The following RASSF5 variants were observed in gnomAD, a reference collection of about 807,000 sequenced individuals.
The protein encoded by RASSF5 is Ras association domain family member 5.
A neutral mutation model predicts 40.5 loss-of-function variants in RASSF5; 25 were observed. That is an observed-to-expected ratio of 0.62 (90% CI 0.45 to 0.86). The LOEUF is 0.86. Among genes scored for constraint, RASSF5 ranks in the 40% least tolerant of loss-of-function variants. The pLI is 0.00. For synonymous variants in RASSF5, 246 were observed against 252.4 expected (o/e 0.97, Z 0.24); for missense variants, 521 against 572.8 (o/e 0.91, Z 0.92).
In RASSF5 at chr1:206,513,287, T is replaced by C. The variant is rs1036830368; in HGVS notation, c.457+5228T>C. On this transcript the variant is annotated intron_variant, in intron 1 of 5. Transcript: ENST00000579436. This position sits in a 1 kb window ranked among gnomAD's most constrained non-coding sequence, Gnocchi z 5.0. The stretch of plus-strand genomic sequence containing the variant: ...ATTCTTGCTCTGCCCAGGCTTACTA[T>C]GAAGGCTGCTGAGGAACCTGTAAAC... Among the ~76,000 whole-genome samples the C allele has an allele frequency of 8.5e-5, 13 of 152,220 alleles. No individual in the cohort carries two copies. Among genetic ancestry groups the C allele is most frequent in the South Asian group, 4.1e-4 (2 of 4,832 alleles).
intron 2 of RASSF5, among the ~76,000 whole-genome samples, chr1:206,554,828 G>C (rs1405277677): frequency 6.6e-6 from 1 of 152,150 alleles, no homozygotes; most frequent in Non-Finnish European, 1.5e-5. Context: ...TATTATATAT[G>C]ATCTTTGTAT....
At chr1:206,551,944 A>G (rs11800677) in intron 2 of RASSF5, among the ~76,000 whole-genome samples, 3,666 of 152,330 alleles carry the variant, frequency 0.024, 164 homozygotes, top group African/African-American at 0.084. Flanking sequence ...GATCAGAAAT[A>G]GCTTTTGTCA....
At chr1:206,571,772 G>T (rs781949715) in intron 2 of RASSF5, among the ~76,000 whole-genome samples, 5 of 152,210 alleles carry the variant, frequency 3.3e-5, no homozygotes, top group African/African-American at 4.8e-5. Flanking sequence ...GGCTCAGGGA[G>T]ACTGAAAGGA....
intron 2 of RASSF5, among the ~76,000 whole-genome samples, chr1:206,577,868 G>A (rs1666884027): frequency 1.3e-5 from 2 of 152,204 alleles, no homozygotes; most frequent in Admixed American, 6.5e-5. Flanking sequence ...TATGATGTAA[G>A]TCATTAAAGA....
intron 3 of RASSF5, 195 bp downstream of exon 3, chr1:206,583,574 G>A (rs1553406838): frequency 1.8e-6 from 1 of 567,044 alleles, no homozygotes; most frequent in African/African-American, 1.9e-5. Context: ...TAGGGAAATA[G>A]ATCTGACTCT....
At chr1:206,577,452 T>C (rs141812781) in intron 2 of RASSF5, among the ~76,000 whole-genome samples, 1 of 152,338 alleles carries the variant, frequency 6.6e-6, no homozygotes, top group East Asian at 1.9e-4. Flanking sequence ...CATTTGATTT[T>C]TACCTTCACA....
At chr1:206,508,110 C>A in intron 1 of RASSF5, 51 bp downstream of exon 1, 1 of 1,283,762 alleles carries the variant, frequency 7.8e-7, no homozygotes, top group African/African-American at 1.5e-5. Flanking sequence ...AGTCTGGGGG[C>A]GAAGGACTGG....
intron 2 of RASSF5, among the ~76,000 whole-genome samples, chr1:206,570,311 C>T (rs1470084991): frequency 1.3e-5 from 2 of 152,000 alleles, no homozygotes; most frequent in African/African-American, 4.8e-5. Flanking sequence ...TCAGGATGGT[C>T]TCAGACTCTG....
intron 2 of RASSF5, among the ~76,000 whole-genome samples, chr1:206,561,729 G>A (rs58494809): frequency 0.023 from 3,386 of 144,144 alleles, 128 homozygotes; most frequent in African/African-American, 0.083. Context: ...ACAATGACGC[G>A]ATCTCGGCTC....
At chr1:206,567,714 G>A (rs73080950) in intron 2 of RASSF5, among the ~76,000 whole-genome samples, 5,649 of 152,214 alleles carry the variant, frequency 0.037, 115 homozygotes, top group Admixed American at 0.049. Flanking sequence ...GTGTGTGGAG[G>A]TATAAGGCTG....
intron 2 of RASSF5, among the ~76,000 whole-genome samples, chr1:206,580,062 G>A (rs1391284047): frequency 5.3e-5 from 8 of 152,188 alleles, no homozygotes; most frequent in African/African-American, 1.9e-4. Context: ...AGAATGGTGA[G>A]GTCAGGGCTG....
At chr1:206,558,263 G>A (rs1668044799) in intron 2 of RASSF5, among the ~76,000 whole-genome samples, 1 of 152,144 alleles carries the variant, frequency 6.6e-6, no homozygotes, top group Non-Finnish European at 1.5e-5. Flanking sequence ...TTCCTGGGTC[G>A]GTTTGGGTAA....
At position 206,535,707 on chromosome 1, in the gene RASSF5, G is replaced by C. The variant is rs1553398550; in HGVS notation, c.458-2465G>C. On this transcript the variant is annotated intron_variant, in intron 1 of 5. Coordinates refer to ENST00000579436, the MANE Select transcript of RASSF5 (RefSeq NM_182663.4). This position sits in a 1 kb window ranked among gnomAD's most constrained non-coding sequence, Gnocchi z 5.0. The stretch of plus-strand genomic sequence containing the variant: ...AGGGTGTGTGTGTGTGTGTGTCTGT[G>C]TGTGTGTGGTGTGTGTGTGTGTGTG... Among the ~76,000 whole-genome samples the C allele has an allele frequency of 3.9e-5, 3 of 77,820 alleles. No individual in the cohort carries two copies. The highest frequency in any genetic ancestry group is 1.0e-4 in the African/African-American group (2 of 19,306). The allele number at this position is 77,820 out of a possible 152,430, so 51.1% of individuals were successfully genotyped here. A position where few individuals can be genotyped will look rare whatever the true frequency, so the allele number is the denominator to read the frequency against.
chr1:206,519,312 A>C (rs1572293314), intron 1 of RASSF5, among the ~76,000 whole-genome samples: 1 of 152,216 alleles, frequency 6.6e-6, no homozygotes, highest in South Asian at 2.1e-4. Flanking sequence ...AACCCTGGGC[A>C]CCTGCCTTCC....
intron 1 of RASSF5, among the ~76,000 whole-genome samples, chr1:206,523,460 A>AAAT (rs1666967964): frequency 2.6e-5 from 3 of 113,740 alleles, no homozygotes; most frequent in African/African-American, 1.0e-4. Flanking sequence ...ATAATATATT[A>AAAT]AATATATTTT....
intron 1 of RASSF5, among the ~76,000 whole-genome samples, chr1:206,522,034 T>A (rs572923004): frequency 3.3e-5 from 5 of 152,232 alleles, no homozygotes; most frequent in African/African-American, 1.2e-4. Context: ...TTAAATTATT[T>A]TTTTTTTCTT....
intron 2 of RASSF5, among the ~76,000 whole-genome samples, chr1:206,553,378 A>G (rs562433292): frequency 6.6e-6 from 1 of 152,284 alleles, no homozygotes; most frequent in Admixed American, 6.5e-5. Context: ...GGCAATAAAA[A>G]GGTAGGGGGT....
At chr1:206,583,523 G>A (rs1668979989) in intron 3 of RASSF5, 144 bp downstream of exon 3, 3 of 639,726 alleles carry the variant, frequency 4.7e-6, no homozygotes, top group Non-Finnish European at 8.5e-6. Context: ...CCGGGGTCTG[G>A]AAGGCTGATA....
At chr1:206,559,850 A>G (rs1206185213) in intron 2 of RASSF5, among the ~76,000 whole-genome samples, 1 of 152,176 alleles carries the variant, frequency 6.6e-6, no homozygotes, top group African/African-American at 2.4e-5. Flanking sequence ...AGGGAGGGGC[A>G]GGGCTGGGTG....
Sources: allele counts gnomAD v4.1 joint callset (sites outside exome capture counted in the v4.1 genomes callset), GRCh38; gene constraint gnomAD v4.1.1; non-coding constraint Gnocchi (gnomAD v3.1); transcripts MANE v1.5; gene names NCBI Gene and HGNC (gene_info 2026-07-23, HGNC 2026-07-21).